Variants in PRDM7 observed in about 807,000 individuals in gnomAD.
PRDM7 encodes the protein histone-lysine N-methyltransferase PRDM7.
PRDM7 carries 52 observed loss-of-function variants against 64.3 expected under a neutral mutation model. That is an observed-to-expected ratio of 0.81 (90% CI 0.65 to 1.02). The LOEUF (loss-of-function observed/expected upper bound fraction) is 1.02. PRDM7 is among the 50% of genes least tolerant of loss of function. PRDM7 has a pLI of 0.00. For synonymous variants in PRDM7, 192 were observed against 210.1 expected (o/e 0.91, Z 0.74); for missense variants, 574 against 597.1 (o/e 0.96, Z 0.40).
At chr16:90,068,905 A>C (rs1398800113) in intron 4 of PRDM7, among the ~76,000 whole-genome samples, 1 of 151,342 alleles carries the variant, frequency 6.6e-6, no homozygotes, top group South Asian at 2.1e-4. Context: ...CGTGGATTTG[A>C]AGACTTAATA....
intron 4 of PRDM7, among the ~76,000 whole-genome samples, chr16:90,072,379 A>C (rs1393224785): frequency 6.6e-6 from 1 of 152,254 alleles, no homozygotes; most frequent in African/African-American, 2.4e-5. Context: ...ATATACATGC[A>C]GTAGAATATT....
Position 90,066,920 on chromosome 16 carries a change from G to A in PRDM7, c.302-10C>T. On this transcript the variant is annotated splice_polypyrimidine_tract_variant and intron_variant, in intron 4 of 10. Coordinates refer to ENST00000449207, the MANE Select transcript of PRDM7 (RefSeq NM_001098173.2). The stretch of plus-strand genomic sequence containing the variant: ...ATCCAAGGAGGTTTGACTAAGAGGT[G>A]ATGAGAAATCAGTGGTTTGGTTGGT... 6.3e-7 allele frequency: 1 copy of A among 1,588,386 alleles called. No individual in the cohort carries two copies. The highest frequency in any genetic ancestry group is 2.2e-5 in the East Asian group (1 of 44,620).
chr16:90,060,461 T>C lies in PRDM7; in HGVS notation c.1113A>G (p.Ile371Met), dbSNP rs568316829. 6.2e-7 allele frequency: 1 copy of C among 1,613,592 alleles called. No homozygotes were observed. Among genetic ancestry groups the C allele is most frequent in the South Asian group, 1.1e-5 (1 of 91,042 alleles). The change falls in exon 10 of 11, where the codon ATA becomes ATG. Residue 371 changes from isoleucine (I) to methionine (M), a missense_variant. Transcript: ENST00000449207. ...CCTGGCCTAATGACTCGGCAGGTTC[T>C]ATAGAAGATCTGATGCCCAGTTCCT... ...YGQELGIRSS[I>M]EPAESLGQAV...
chr16:90,057,467 CT>C lies in PRDM7; in HGVS notation c.*821del, dbSNP rs2037703240. 1 of 180,038 alleles carries C rather than the reference CT, an allele frequency of 5.6e-6. No individual in the cohort carries two copies. Among genetic ancestry groups the C allele is most frequent in the African/African-American group, 2.4e-5 (1 of 41,982 alleles). 11.2% of individuals were successfully genotyped at this position (180,038 alleles called of 1,614,324 possible). On this transcript the variant is annotated 3_prime_UTR_variant, in exon 11 of 11. Transcript: ENST00000449207. ...CTGAACGTTTGAGTTCTCTGTGGCC[CT>C]TCTGGACTCTTCCTTCCTTCAGTGA...
In PRDM7 at chr16:90,075,863, C is replaced by G. The variant is rs755935298; in HGVS notation, c.48G>C (p.Glu16Asp). 1.2e-6 allele frequency: 2 copies of G among 1,614,096 alleles called. No individual in the cohort carries two copies. Among genetic ancestry groups the G allele is most frequent in the South Asian group, 2.2e-5 (2 of 91,048 alleles). Reference sequence around the variant, plus strand: ...TCACCATGGGCTTCCGCTCTGTTCTCTCTGTGTCTCCTTCTGGGCTCTCCT... The same window carrying G: ...TCACCATGGGCTTCCGCTCTGTTCTGTCTGTGTCTCCTTCTGGGCTCTCCT... ...SQEESPEGDT[E>D]RTERKPMVKD... The change falls in exon 2 of 11, where the codon GAG (glutamate) becomes GAC (aspartate). Residue 16 changes from glutamate to aspartate, a missense_variant. Physicochemically the swap from Glu to Asp is conservative, Grantham distance 45 (BLOSUM62 2). Transcript: ENST00000449207. This position sits in a 1 kb window ranked among gnomAD's most constrained non-coding sequence, Gnocchi z 4.3.
In PRDM7 at chr16:90,060,404, A is replaced by T. The variant is rs1359192842; in HGVS notation, c.1170T>A (p.Ser390Arg). Reference protein sequence around the residue: ...AVNCWSGMGMSMARNWASSGA... With the variant: ...AVNCWSGMGMRMARNWASSGA... The stretch of plus-strand genomic sequence containing the variant: ...CACTTGATGCCCAGTTCCTGGCCAT[A>T]CTCATCCCCATACCAGACCAGCAGT... The change falls in exon 10 of 11, where the codon AGT (serine) becomes AGA (arginine). Residue 390 changes from serine to arginine, a missense_variant. Ser to Arg is a moderately radical substitution (Grantham distance 110, BLOSUM62 -1). Coordinates refer to ENST00000449207, the MANE Select transcript of PRDM7 (RefSeq NM_001098173.2). The T allele has an allele frequency of 3.7e-6, 6 of 1,613,634 alleles. No homozygotes were observed. Among genetic ancestry groups the T allele is most frequent in the Non-Finnish European group, 5.1e-6 (6 of 1,179,820 alleles).
intron 4 of PRDM7, among the ~76,000 whole-genome samples, chr16:90,072,351 G>A (rs991010295): frequency 6.6e-6 from 1 of 152,122 alleles, no homozygotes; most frequent in Non-Finnish European, 1.5e-5. Context: ...ACAAATGAAT[G>A]GATTTTCAAA....
rs1268289032 is a variant in PRDM7 at position 90,065,455 on chromosome 16, C to G, written c.351+1406G>C. Among the ~76,000 whole-genome samples, 24 of 149,458 alleles carry G rather than the reference C, an allele frequency of 1.6e-4. 1 individual carries two copies. Among genetic ancestry groups the G allele is most frequent in the African/African-American group, 6.0e-4 (24 of 39,782 alleles). On this transcript the variant is annotated intron_variant, in intron 5 of 10. Transcript: ENST00000449207. ...AGAAAAAAATAATTTTTCTCACAGA[C>G]TGGGTGCGGTGGCTCACATCTGTAA...
chr16:90,073,870 C>G (rs1162276040), intron 4 of PRDM7, among the ~76,000 whole-genome samples: 1 of 151,904 alleles, frequency 6.6e-6, no homozygotes, highest in South Asian at 2.1e-4. Context: ...GCCACCTCCA[C>G]CTCCTGGGTT....
chr16:90,071,959 G>A (rs1228296002), intron 4 of PRDM7, among the ~76,000 whole-genome samples: 2 of 152,188 alleles, frequency 1.3e-5, no homozygotes, highest in Non-Finnish European at 2.9e-5. Context: ...TCGGGAGGCC[G>A]CGGCAGGCGG....
chr16:90,076,787 C>T (rs867491075), intron 1 of PRDM7, among the ~76,000 whole-genome samples: 7 of 151,780 alleles, frequency 4.6e-5, no homozygotes, highest in Non-Finnish European at 4.4e-5. Flanking sequence ...TTCTGGGTCT[C>T]GGGTAAAGGA....
chr16:90,074,915 C>T lies in PRDM7; in HGVS notation c.301+1G>A, dbSNP rs143450205. 230 of 1,613,796 alleles carry T rather than the reference C, an allele frequency of 1.4e-4. 1 individual carries two copies. In the African/African-American group the frequency reaches 2.7e-3, roughly 19 times the overall value. On this transcript the variant is annotated splice_donor_variant, in intron 4 of 10. Transcript: ENST00000449207. LOFTEE classifies it high-confidence loss of function. The stretch of plus-strand genomic sequence containing the variant: ...AAAATCCTCCTTCCCTTCCCTCTTA[C>T]CTTGCTGCCTAGGTGTCCATTCTTC...
At chr16:90,069,091 A>T (rs1306452797) in intron 4 of PRDM7, among the ~76,000 whole-genome samples, 1 of 151,370 alleles carries the variant, frequency 6.6e-6, no homozygotes, top group Non-Finnish European at 1.5e-5. Context: ...AAGGCCTCAC[A>T]CTTCCTGATT....
chr16:90,058,324 T>G lies in PRDM7; in HGVS notation c.1444A>C (p.Lys482Gln). Reference protein sequence around the residue: ...LIHAAVMTKPKVKRSKKGPNS With the variant: ...LIHAAVMTKPQVKRSKKGPNS Reference sequence around the variant, plus strand: ...GGACCTTTCTTTGATCTCTTGACCTTTGGTTTTGTCATTACAGCAGCGTGG... The same window carrying G: ...GGACCTTTCTTTGATCTCTTGACCTGTGGTTTTGTCATTACAGCAGCGTGG... Residue 482 changes from lysine to glutamine, a missense_variant, in exon 11 of 11, where the codon AAG (lysine) becomes CAG (glutamine). Physicochemically the swap from Lys to Gln is moderately conservative, Grantham distance 53 (BLOSUM62 1). Coordinates refer to ENST00000449207, the MANE Select transcript of PRDM7 (RefSeq NM_001098173.2). The G allele has an allele frequency of 6.2e-7, 1 of 1,614,204 alleles. No homozygotes were observed. The highest frequency in any genetic ancestry group is 1.7e-5 in the Admixed American group (1 of 60,022).
At position 90,063,834 on chromosome 16, in the gene PRDM7, A is replaced by G. The variant is rs570378000; in HGVS notation, c.352-66T>C. The stretch of plus-strand genomic sequence containing the variant: ...TATTTAGTTCTTTACGGCTTGCAAC[A>G]TGTTTTCATATGACTGTAGTTAATG... On this transcript the variant is annotated intron_variant, in intron 5 of 10. Coordinates refer to ENST00000449207, the MANE Select transcript of PRDM7 (RefSeq NM_001098173.2). 187 of 1,553,014 alleles carry G rather than the reference A, an allele frequency of 1.2e-4. No homozygotes were observed. The African/African-American group carries it at 2.2e-3, about 18-fold the overall frequency.
At chr16:90,072,575 G>C (rs2037976713) in intron 4 of PRDM7, among the ~76,000 whole-genome samples, 1 of 152,230 alleles carries the variant, frequency 6.6e-6, no homozygotes, top group Non-Finnish European at 1.5e-5. Context: ...CCAGGAGCTG[G>C]AGGGAGGAAG....
intron 4 of PRDM7, among the ~76,000 whole-genome samples, chr16:90,069,820 G>A (rs762125277): frequency 9.9e-5 from 15 of 151,038 alleles, no homozygotes; most frequent in African/African-American, 2.7e-4. Context: ...TTGGGAGGCC[G>A]AGGCAGATGG....
At chr16:90,063,294 C>T (rs1312800858) in intron 6 of PRDM7, among the ~76,000 whole-genome samples, 3 of 152,024 alleles carry the variant, frequency 2.0e-5, no homozygotes, top group African/African-American at 4.8e-5. Flanking sequence ...AAAAATCAGC[C>T]GGGCACGGTG....
chr16:90,060,546 G>T lies in PRDM7; in HGVS notation c.1028C>A (p.Thr343Asn), dbSNP rs201771894. The T allele has an allele frequency of 2.7e-4, 442 of 1,614,046 alleles. 2 individuals carry two copies. In the African/African-American group the frequency reaches 5.4e-3, roughly 20 times the overall value. Residue 343 changes from threonine to asparagine, a missense_variant, in exon 10 of 11, where the codon ACC becomes AAC. Coordinates refer to ENST00000449207, the MANE Select transcript of PRDM7 (RefSeq NM_001098173.2). ...FQYHRQIFYR[T>N]CRVIRPGCEL... ...ACAGCCTGGCCTAATGACTCGGCAG[G>T]TTCTATAGAAGATCTGCCTGTGGTA...
Sources: gnomAD v4.1 joint callset for allele counts (sites outside exome capture counted in the v4.1 genomes callset) on GRCh38, gnomAD v4.1.1 for gene constraint, Gnocchi (gnomAD v3.1) non-coding constraint, MANE v1.5 for transcripts, NCBI Gene and HGNC (gene_info 2026-07-23, HGNC 2026-07-21) for gene names.